SLC8A1: variants seen among roughly 807,000 people sequenced by gnomAD.
SLC8A1 encodes the protein solute carrier family 8 member A1.
A neutral mutation model predicts 68.3 loss-of-function variants in SLC8A1; 18 were observed. That is an observed-to-expected ratio of 0.26 (90% CI 0.18 to 0.39). The LOEUF (loss-of-function observed/expected upper bound fraction) is 0.39, where lower values mean the gene tolerates loss of function less well. SLC8A1 is among the 10% of genes least tolerant of loss of function. SLC8A1 has a pLI of 1.00. For synonymous variants in SLC8A1, 475 were observed against 415.5 expected, an observed-to-expected ratio of 1.14 and a Z score of -1.74; for missense variants, 985 against 1,156.7, an observed-to-expected ratio of 0.85 and a Z score of 2.15.
In SLC8A1 at chr2:40,306,033, TG is replaced by T. The variant is rs200649418; in HGVS notation, c.1808+122439del. ...GCTGTTTCTTTTCCCTTACAGGTTT[TG>T]GGAGGATGAATGTATTTCCAAGGAA... is the stretch of plus-strand genomic sequence containing the variant. On this transcript the variant is annotated intron_variant, in intron 2 of 7. Transcript: ENST00000406785. Among the ~76,000 whole-genome samples, 129 of 152,344 alleles carry T rather than the reference TG, an allele frequency of 8.5e-4. 1 individual carries two copies. The East Asian group carries it at 0.023, about 27-fold the overall frequency.
intron 2 of SLC8A1, among the ~76,000 whole-genome samples, chr2:40,259,609 A>C (rs1426434617): frequency 1.3e-5 from 2 of 152,166 alleles, no homozygotes; most frequent in Non-Finnish European, 2.9e-5. Flanking sequence ...CTAGGACTAC[A>C]AGCATGTGCC....
chr2:40,185,042 T>C (rs2050449430), intron 2 of SLC8A1, among the ~76,000 whole-genome samples: 2 of 151,604 alleles, frequency 1.3e-5, no homozygotes, highest in South Asian at 4.2e-4. Flanking sequence ...GAAATGGAAA[T>C]CAAAGCATCT....
intron 2 of SLC8A1, among the ~76,000 whole-genome samples, chr2:40,280,493 C>T (rs1216751812): frequency 2.6e-5 from 4 of 152,128 alleles, no homozygotes; most frequent in Non-Finnish European, 5.9e-5. Flanking sequence ...ATCACATTTG[C>T]CTTCAATCAT....
At chr2:40,135,379 G>C (rs1238170033) in intron 7 of SLC8A1, among the ~76,000 whole-genome samples, 2 of 151,794 alleles carry the variant, frequency 1.3e-5, no homozygotes, top group African/African-American at 4.8e-5. Flanking sequence ...TGGTGGTGGA[G>C]AGATAGCTAG....
chr2:40,318,834 GCT>G (rs1317853781), intron 2 of SLC8A1, among the ~76,000 whole-genome samples: 1 of 152,032 alleles, frequency 6.6e-6, no homozygotes, highest in Non-Finnish European at 1.5e-5. Context: ...TGTGTGCAAC[GCT>G]TAGGAAAGTT....
At chr2:40,169,834 A>G (rs115911143) in intron 4 of SLC8A1, among the ~76,000 whole-genome samples, 1,737 of 152,244 alleles carry the variant, frequency 0.011, 40 homozygotes, top group African/African-American at 0.039. Flanking sequence ...CTAGCTACTC[A>G]GGAGGCTGAG....
intron 2 of SLC8A1, among the ~76,000 whole-genome samples, chr2:40,376,350 A>C (rs989170614): frequency 6.6e-6 from 1 of 152,116 alleles, no homozygotes; most frequent in Non-Finnish European, 1.5e-5. Flanking sequence ...AGAGATAGAC[A>C]GTAGCTATGG....
At chr2:40,500,550 AT>A (rs1705988469) in intron 1 of SLC8A1, among the ~76,000 whole-genome samples, 1 of 151,952 alleles carries the variant, frequency 6.6e-6, no homozygotes. Context: ...TAAATCTAAT[AT>A]TTGGGGAAAA....
In SLC8A1 at chr2:40,118,622, T is replaced by G. The variant is rs1188080992; in HGVS notation, c.2438-2993A>C. The G allele has an allele frequency of 7.6e-5, 11 of 145,270 alleles. 1 individual carries two copies. The South Asian group carries it at 1.1e-3, about 15-fold the overall frequency. The allele number at this position is 145,270 out of a possible 1,614,324, so 9.0% of individuals were successfully genotyped here. A position where few individuals can be genotyped will look rare whatever the true frequency, so the allele number is the denominator to read the frequency against. ...AAAAAAGGAAGTTTTTTTTTTTTTT[T>G]TTTTTTTTTTTTTTAAGGTCAGGCA... On this transcript the variant is annotated intron_variant, in intron 7 of 7. Coordinates refer to ENST00000406785, the Ensembl canonical transcript of SLC8A1.
chr2:40,226,831 G>C (rs561254082), intron 2 of SLC8A1, among the ~76,000 whole-genome samples: 1 of 152,114 alleles, frequency 6.6e-6, no homozygotes, highest in Non-Finnish European at 1.5e-5. Flanking sequence ...CCACTAATGA[G>C]CATCTATTAA....
chr2:40,350,840 T>C (rs72798620), intron 2 of SLC8A1, among the ~76,000 whole-genome samples: 3,249 of 152,204 alleles, frequency 0.021, 56 homozygotes, highest in Non-Finnish European at 0.033. Context: ...ATAAATTATC[T>C]ATAATTCTCA....
chr2:40,507,237 G>T (rs17026097), intron 1 of SLC8A1, among the ~76,000 whole-genome samples: 5,474 of 151,908 alleles, frequency 0.036, 437 homozygotes, highest in East Asian at 0.3. Flanking sequence ...CTTACATAAT[G>T]TTGCAGAGTG....
intron 2 of SLC8A1, among the ~76,000 whole-genome samples, chr2:40,187,217 C>T (rs1399476413): frequency 6.6e-6 from 1 of 152,206 alleles, no homozygotes; most frequent in Non-Finnish European, 1.5e-5. Flanking sequence ...GCCAGGTTCT[C>T]ATTCACCACT....
At chr2:40,343,697 G>C (rs1668398519) in intron 2 of SLC8A1, among the ~76,000 whole-genome samples, 1 of 152,058 alleles carries the variant, frequency 6.6e-6, no homozygotes, top group Non-Finnish European at 1.5e-5. Context: ...CATATCATAA[G>C]TTCTGTAGTG....
intron 6 of SLC8A1, among the ~76,000 whole-genome samples, chr2:40,143,280 T>C (rs1020030681): frequency 3.9e-5 from 6 of 152,344 alleles, no homozygotes; most frequent in African/African-American, 1.4e-4. Flanking sequence ...CTTAAAAGTC[T>C]GTTCTTTCTT....
At chr2:40,253,403 G>A (rs935018491) in intron 2 of SLC8A1, among the ~76,000 whole-genome samples, 1 of 151,698 alleles carries the variant, frequency 6.6e-6, no homozygotes, top group Non-Finnish European at 1.5e-5. Flanking sequence ...GCAGCAACAT[G>A]GATGGAACTG....
intron 2 of SLC8A1, among the ~76,000 whole-genome samples, chr2:40,288,769 A>C (rs1452604427): frequency 6.6e-6 from 1 of 151,694 alleles, no homozygotes; most frequent in East Asian, 1.9e-4. Context: ...AAGTGAACAA[A>C]TACTTTTTTG....
chr2:40,441,402 A>G (rs1237398478), intron 1 of SLC8A1, among the ~76,000 whole-genome samples: 2 of 152,026 alleles, frequency 1.3e-5, no homozygotes, highest in Non-Finnish European at 2.9e-5. Context: ...TTAGAAAAAA[A>G]AAAAAACTAC....
chr2:40,474,104 T>A (rs960152162), intron 1 of SLC8A1, among the ~76,000 whole-genome samples: 1 of 152,294 alleles, frequency 6.6e-6, no homozygotes, highest in Middle Eastern at 3.4e-3. Flanking sequence ...CCTCTCTCAA[T>A]AGACTATCTC....
Sources: gnomAD v4.1 joint callset for allele counts (sites outside exome capture counted in the v4.1 genomes callset) on GRCh38, gnomAD v4.1.1 for gene constraint, MANE v1.5 for transcripts, NCBI Gene and HGNC (gene_info 2026-07-23, HGNC 2026-07-21) for gene names.